CNTN5: variants seen among roughly 807,000 people sequenced by gnomAD.
CNTN5 encodes the protein contactin 5.
A neutral mutation model predicts 129.1 loss-of-function variants in CNTN5; 77 were observed. That is an observed-to-expected ratio of 0.60 (90% CI 0.50 to 0.72). The LOEUF (loss-of-function observed/expected upper bound fraction) is 0.72, where lower values mean the gene tolerates loss of function less well. Ranked by LOEUF, CNTN5 falls within the 30% of genes least tolerant of loss-of-function variation. CNTN5 has a pLI of 0.00. For missense variants in CNTN5, 1,478 were observed against 1,328.8 expected (o/e 1.11, Z -1.75); for synonymous variants, 509 against 465.6 (o/e 1.09, Z -1.20).
chr11:99,670,531 A>G (rs1485328894), intron 3 of CNTN5, among the ~76,000 whole-genome samples: 1 of 152,172 alleles, frequency 6.6e-6, no homozygotes, highest in Non-Finnish European at 1.5e-5. Flanking sequence ...TACTCTGCAT[A>G]AAATGATTGA....
intron 2 of CNTN5, among the ~76,000 whole-genome samples, chr11:99,435,600 G>A (rs565568142): frequency 6.6e-6 from 1 of 152,152 alleles, no homozygotes; most frequent in African/African-American, 2.4e-5. Context: ...GTGAAAATAG[G>A]AAATATTTGG....
intron 3 of CNTN5, among the ~76,000 whole-genome samples, chr11:99,764,692 T>G (rs1019678245): frequency 1.3e-5 from 2 of 152,086 alleles, no homozygotes; most frequent in Non-Finnish European, 2.9e-5. Flanking sequence ...ATGAAATCAA[T>G]TTTTAAAAAC....
At chr11:99,479,069 T>C (rs1945489381) in intron 2 of CNTN5, among the ~76,000 whole-genome samples, 1 of 152,010 alleles carries the variant, frequency 6.6e-6, no homozygotes, top group South Asian at 2.1e-4. Context: ...TATATTAAAA[T>C]GTAAAACAAT....
chr11:99,694,356 G>A (rs1417981689), intron 3 of CNTN5, among the ~76,000 whole-genome samples: 1 of 152,094 alleles, frequency 6.6e-6, no homozygotes, highest in Admixed American at 6.6e-5. Context: ...TCAGAGCTGA[G>A]TAGTTGCAAC....
At chr11:99,864,501 G>A (rs974060330) in intron 6 of CNTN5, among the ~76,000 whole-genome samples, 4 of 152,048 alleles carry the variant, frequency 2.6e-5, no homozygotes, top group African/African-American at 9.7e-5. Flanking sequence ...ACTTGCTATA[G>A]CACTGTAGTC....
chr11:100,171,990 A>C (rs2138412909), intron 13 of CNTN5, among the ~76,000 whole-genome samples: 1 of 152,158 alleles, frequency 6.6e-6, no homozygotes, highest in South Asian at 2.1e-4. Context: ...TCAAGGAAAA[A>C]CCAGCTTATT....
chr11:100,227,042 A>C (rs1302678819), intron 16 of CNTN5, among the ~76,000 whole-genome samples: 17 of 152,104 alleles, frequency 1.1e-4, no homozygotes, highest in Non-Finnish European at 2.1e-4. Flanking sequence ...TGTGTCACAG[A>C]GAGATGGGAA....
chr11:99,588,514 C>T (rs995442401), intron 3 of CNTN5, among the ~76,000 whole-genome samples: 2 of 152,020 alleles, frequency 1.3e-5, no homozygotes, highest in Non-Finnish European at 2.9e-5. Context: ...GAAACTGGGA[C>T]TTTGGGACAA....
At chr11:100,284,428 T>C (rs1390117008) in intron 18 of CNTN5, among the ~76,000 whole-genome samples, 1 of 152,218 alleles carries the variant, frequency 6.6e-6, no homozygotes, top group Non-Finnish European at 1.5e-5. Flanking sequence ...TGTTTAATTT[T>C]TGAAATCTGT....
intron 6 of CNTN5, among the ~76,000 whole-genome samples, chr11:99,860,589 C>G (rs879266267): frequency 6.6e-6 from 1 of 152,110 alleles, no homozygotes; most frequent in South Asian, 2.1e-4. Flanking sequence ...TTAATTTTGT[C>G]AACTTTGTTG....
intron 3 of CNTN5, among the ~76,000 whole-genome samples, chr11:99,810,599 C>T (rs776948512): frequency 2.6e-5 from 4 of 152,078 alleles, no homozygotes; most frequent in East Asian, 1.9e-4. Context: ...TCTCATATGC[C>T]ATAGATGCAG....
chr11:99,598,885 A>G (rs1187360930), intron 3 of CNTN5, among the ~76,000 whole-genome samples: 4 of 152,144 alleles, frequency 2.6e-5, no homozygotes, highest in Non-Finnish European at 5.9e-5. Flanking sequence ...ATTTTAATCT[A>G]TGATAAATGT....
At chr11:99,877,633 C>A (rs1047922314) in intron 6 of CNTN5, among the ~76,000 whole-genome samples, 1 of 151,658 alleles carries the variant, frequency 6.6e-6, no homozygotes, top group Non-Finnish European at 1.5e-5. Flanking sequence ...AAGGAAAGTG[C>A]TGTTTTAACA....
intron 3 of CNTN5, among the ~76,000 whole-genome samples, chr11:99,621,777 C>T (rs1477977858): frequency 1.3e-5 from 2 of 152,144 alleles, no homozygotes; most frequent in African/African-American, 4.8e-5. Context: ...TTGATGAGCA[C>T]ACATGCGAAA....
At chr11:99,408,571 GCATCCTCCTGCCTCGGCCTCC>G (rs1942245370) in intron 2 of CNTN5, among the ~76,000 whole-genome samples, 1 of 151,852 alleles carries the variant, frequency 6.6e-6, no homozygotes, top group Non-Finnish European at 1.5e-5. Flanking sequence ...TGACCGCAAG[GCATCCTCCTGCCTCGGCCTCC>G]CAAAGTGCTG....
rs549520888 is a variant in CNTN5, at chr11:99,556,282, A to T, written c.55+13A>T. The T allele has an allele frequency of 3.1e-5, 46 of 1,488,318 alleles. No individual in the cohort carries two copies. The South Asian group carries it at 5.5e-4, about 18-fold the overall frequency. 92.2% of individuals were successfully genotyped at this position (1,488,318 alleles called of 1,614,324 possible). The stretch of plus-strand genomic sequence containing the variant: ...ATGTGTCTTTCAGGTAAAAGTCCTG[A>T]TTAATTAATTATTTGATTTTCTAAG... On this transcript the variant is annotated intron_variant, in intron 3 of 24. Coordinates refer to ENST00000524871, the MANE Select transcript of CNTN5 (RefSeq NM_014361.4).
At chr11:99,046,615 A>G (rs759335834) in intron 1 of CNTN5, among the ~76,000 whole-genome samples, 1 of 152,168 alleles carries the variant, frequency 6.6e-6, no homozygotes, top group Non-Finnish European at 1.5e-5. Flanking sequence ...TAGGAATTTA[A>G]GCCGAGAAAG....
At chr11:99,547,177 A>AT (rs1237013582) in intron 2 of CNTN5, among the ~76,000 whole-genome samples, 1 of 151,696 alleles carries the variant, frequency 6.6e-6, no homozygotes, top group African/African-American at 2.4e-5. Flanking sequence ...CTAATTTTGT[A>AT]TTTTTTTAGT....
intron 17 of CNTN5, among the ~76,000 whole-genome samples, chr11:100,257,080 G>T (rs1181324184): frequency 1.3e-5 from 2 of 152,120 alleles, no homozygotes; most frequent in Non-Finnish European, 2.9e-5. Context: ...AGTTGACCTG[G>T]GATGCTTGAG....
Sources: gnomAD v4.1 joint callset for allele counts (sites outside exome capture counted in the v4.1 genomes callset) on GRCh38, gnomAD v4.1.1 for gene constraint, MANE v1.5 for transcripts, NCBI Gene and HGNC (gene_info 2026-07-23, HGNC 2026-07-21) for gene names.